The following DAB2IP variants were observed in gnomAD, a reference collection of about 807,000 sequenced individuals.
DAB2IP encodes the protein DAB2 interacting protein.
DAB2IP carries 28 observed loss-of-function variants against 107.2 expected under a neutral mutation model. That is an observed-to-expected ratio of 0.26 (90% CI 0.19 to 0.36). DAB2IP has a LOEUF of 0.36. Among genes scored for constraint, DAB2IP ranks in the 10% least tolerant of loss-of-function variants. The pLI is 1.00. For missense variants in DAB2IP, 1,400 were observed against 1,644.7 expected (o/e 0.85, Z 2.57); for synonymous variants, 755 against 706.4 (o/e 1.07, Z -1.09).
At chr9:121,744,918 G>C (rs954713128) in intron 3 of DAB2IP, among the ~76,000 whole-genome samples, 2 of 152,320 alleles carry the variant, frequency 1.3e-5, no homozygotes, top group Admixed American at 6.5e-5. Context: ...GAGCAGAGGC[G>C]TGCAGTTTAG....
chr9:121,689,218 T>C (rs1354114197), intron 2 of DAB2IP, among the ~76,000 whole-genome samples: 2 of 151,314 alleles, frequency 1.3e-5, no homozygotes, highest in African/African-American at 2.4e-5. Context: ...AGCTTGAACC[T>C]GGGAGGTGGA....
At chr9:121,771,610 G>A (rs1351076525) in intron 11 of DAB2IP, among the ~76,000 whole-genome samples, 2 of 152,116 alleles carry the variant, frequency 1.3e-5, no homozygotes, top group Admixed American at 6.5e-5. Context: ...GGAGTGGGGG[G>A]TGCAGTAGAC....
chr9:121,574,306 C>A (rs1392157000), intron 1 of DAB2IP, among the ~76,000 whole-genome samples: 1 of 152,092 alleles, frequency 6.6e-6, no homozygotes, highest in Non-Finnish European at 1.5e-5. Flanking sequence ...GGGCTCTCAT[C>A]GAGCCTCCAT....
rs769277590 is a variant in DAB2IP, at chr9:121,702,311, C to T, written c.362+2853C>T. ...GAGTCGGTTTCAGGGGTGGGGATGC[C>T]GAACCTGGCTGGTTGGGATTGAGGG... On this transcript the variant is annotated intron_variant, in intron 3 of 15. Coordinates refer to ENST00000408936, the Ensembl canonical transcript of DAB2IP. The surrounding 1 kb of genome is among the most constrained non-coding windows in gnomAD (Gnocchi z 4.5). Among the ~76,000 whole-genome samples, 43 of 151,994 alleles carry T rather than the reference C, an allele frequency of 2.8e-4. 1 individual carries two copies. Among genetic ancestry groups the T allele is most frequent in the Admixed American group, 1.3e-4 (2 of 15,264 alleles).
chr9:121,739,339 G>A (rs1355630900), intron 3 of DAB2IP, among the ~76,000 whole-genome samples: 1 of 152,236 alleles, frequency 6.6e-6, no homozygotes, highest in African/African-American at 2.4e-5. Flanking sequence ...GATGAGGTCA[G>A]AGAGTAGGTA....
chr9:121,653,437 G>A (rs577171483), intron 1 of DAB2IP, among the ~76,000 whole-genome samples: 25 of 152,234 alleles, frequency 1.6e-4, no homozygotes, highest in South Asian at 6.2e-4. Flanking sequence ...CTGGGAGACC[G>A]GGAATCTGGG....
At chr9:121,773,569 C>T in intron 12 of DAB2IP, 74 bp downstream of exon 12, 1 of 1,344,748 alleles carries the variant, frequency 7.4e-7, no homozygotes, top group Non-Finnish European at 9.5e-7. Flanking sequence ...ATACCATGCT[C>T]CTCCTCTCGG....
chr9:121,770,747 G>C (rs2119005384), intron 11 of DAB2IP, 23 bp downstream of exon 11: 1 of 1,611,014 alleles, frequency 6.2e-7, no homozygotes, highest in East Asian at 2.2e-5. Context: ...AGCCATGTTG[G>C]GTGTGGTGGG....
chr9:121,569,574 C>A (rs1239445080), intron 1 of DAB2IP, among the ~76,000 whole-genome samples: 1 of 152,220 alleles, frequency 6.6e-6, no homozygotes, highest in African/African-American at 2.4e-5. Flanking sequence ...AATCCCAGCA[C>A]TTTGGGAGGC....
At chr9:121,770,602 A>G (rs368371667) in exon 11 of DAB2IP, 7 of 1,614,038 alleles carry the variant, frequency 4.3e-6, no homozygotes, top group East Asian at 2.2e-5. Context: ...TCCACACAGC[A>G]CTGAGCACCC....
At chr9:121,652,424 G>A (rs975090381) in intron 1 of DAB2IP, among the ~76,000 whole-genome samples, 1 of 152,182 alleles carries the variant, frequency 6.6e-6, no homozygotes, top group African/African-American at 2.4e-5. Context: ...CAGGAGGCAG[G>A]ACGAGACGGA....
intron 6 of DAB2IP, among the ~76,000 whole-genome samples, chr9:121,761,772 A>G (rs1231164085): frequency 1.3e-5 from 2 of 152,136 alleles, no homozygotes; most frequent in African/African-American, 4.8e-5. Context: ...CGTCCTTAAC[A>G]TGCTGGTCAA....
At chr9:121,751,933 G>A in intron 3 of DAB2IP, 2 of 985,512 alleles carry the variant, frequency 2.0e-6, no homozygotes, top group African/African-American at 1.7e-5. Flanking sequence ...GGATGTCATG[G>A]TGCCACCTCC....
intron 1 of DAB2IP, among the ~76,000 whole-genome samples, chr9:121,626,019 G>A (rs1442451801): frequency 1.3e-5 from 2 of 152,172 alleles, no homozygotes; most frequent in Non-Finnish European, 2.9e-5. Context: ...AGCCAAGTGG[G>A]CTACAGGGCT....
At chr9:121,652,068 GTCC>G (rs925011781) in intron 1 of DAB2IP, among the ~76,000 whole-genome samples, 169 bp downstream of exon 1, 1 of 152,142 alleles carries the variant, frequency 6.6e-6, no homozygotes, top group East Asian at 1.9e-4. Flanking sequence ...CTTCTGCTTA[GTCC>G]TCCTCTCGCC....
At chr9:121,783,698 C>G in exon 16 of DAB2IP, 3 of 1,046,852 alleles carry the variant, frequency 2.9e-6, no homozygotes, top group East Asian at 2.4e-5. Context: ...TGTGGCCGGC[C>G]TCCTCCTCAC....
At chr9:121,732,130 C>T (rs537599867) in intron 3 of DAB2IP, among the ~76,000 whole-genome samples, 74 of 152,242 alleles carry the variant, frequency 4.9e-4, no homozygotes, top group African/African-American at 1.5e-3. Context: ...AAACTGTAAC[C>T]GTCCTCTTTC....
rs1039200873 is a variant in DAB2IP, at chr9:121,635,088, C to T, written c.41-43590C>T. Among the ~76,000 whole-genome samples the T allele has an allele frequency of 6.6e-6, 1 of 152,136 alleles. No individual in the cohort carries two copies. Among genetic ancestry groups the T allele is most frequent in the Non-Finnish European group, 1.5e-5 (1 of 68,020 alleles). ...TGTATGTCTATGTGCGAAGGGGAAG[C>T]TTGGCAGAGGGTGGCTATGGAGTGG... On this transcript the variant is annotated intron_variant, in intron 1 of 16. Coordinates refer to the DAB2IP transcript ENST00000259371. The surrounding 1 kb of genome is among the most constrained non-coding windows in gnomAD (Gnocchi z 4.3).
rs768259012 is a variant in DAB2IP at position 121,770,576 on chromosome 9, C to T, written c.1930C>T (p.Arg644Trp). The T allele has an allele frequency of 1.9e-6, 3 of 1,614,096 alleles. No individual in the cohort carries two copies. The highest frequency in any genetic ancestry group is 1.1e-5 in the South Asian group (1 of 91,080). The change falls in exon 11 of 16, where the codon CGG becomes TGG. Residue 644 changes from arginine (R) to tryptophan (W), a missense_variant. Arg to Trp is a moderately radical substitution (Grantham distance 101, BLOSUM62 -3). Transcript: ENST00000408936. The stretch of plus-strand genomic sequence containing the variant: ...AGTATCCAAACTGGGACCCCTGCCT[C>T]GGATCCTGAGGGACGTCCACACAGC...
Sources: allele counts gnomAD v4.1 joint callset (sites outside exome capture counted in the v4.1 genomes callset), GRCh38; gene constraint gnomAD v4.1.1; non-coding constraint Gnocchi (gnomAD v3.1); transcripts MANE v1.5; gene names NCBI Gene and HGNC (gene_info 2026-07-23, HGNC 2026-07-21).